The following SLC5A10 variants were observed in gnomAD, a reference collection of about 807,000 sequenced individuals.
SLC5A10 encodes the protein solute carrier family 5 member 10, also known as sodium/mannose cotransporter SLC5A10.
In SLC5A10, 55 loss-of-function variants were observed where a neutral mutation model predicts 68.9. The ratio of observed to expected loss-of-function variants is 0.80; its 90% confidence interval spans 0.64 to 1.00. SLC5A10 has a LOEUF of 1.00. SLC5A10 is among the 50% of genes least tolerant of loss of function. SLC5A10 has a pLI of 0.00. For missense variants in SLC5A10, 732 were observed against 819.3 expected (o/e 0.89, Z 1.30); for synonymous variants, 344 against 344.8 (o/e 1.00, Z 0.02).
At position 18,960,628 on chromosome 17, in the gene SLC5A10, ACTGT is replaced by A. The variant is rs767441512; in HGVS notation, c.436_439del (p.Val146SerfsTer46). On this transcript the variant is annotated frameshift_variant, in exon 5 of 15. Coordinates refer to ENST00000395645, the MANE Select transcript of SLC5A10 (RefSeq NM_001042450.4). LOFTEE classifies it high-confidence loss of function. Reference sequence around the variant, plus strand: ...TGTACCTGTCTGTCCTGTCCCTGCTACTGTCTGTCTTCACCAAGATATCGGTGAG... The same window carrying A: ...TGTACCTGTCTGTCCTGTCCCTGCTACTGTCTTCACCAAGATATCGGTGAG... The A allele has an allele frequency of 4.1e-5, 66 of 1,613,936 alleles. No individual in the cohort carries two copies. The Middle Eastern group carries it at 6.6e-4, about 16-fold the overall frequency.
chr17:18,954,514 G>C (rs572211830), intron 1 of SLC5A10, among the ~76,000 whole-genome samples: 2 of 152,356 alleles, frequency 1.3e-5, no homozygotes, highest in South Asian at 2.1e-4. Flanking sequence ...CAAGAGAGCA[G>C]TGAGCACATC....
Position 19,022,201 on chromosome 17 carries a change from C to T in SLC5A10, c.*1770C>T, listed in dbSNP as rs1292725331. The T allele has an allele frequency of 3.1e-6, 3 of 963,786 alleles. No individual in the cohort carries two copies. Among genetic ancestry groups the T allele is most frequent in the Non-Finnish European group, 4.4e-6 (3 of 681,020 alleles). The allele number at this position is 963,786 out of a possible 1,614,324, so 59.7% of individuals were successfully genotyped here. A position where few individuals can be genotyped will look rare whatever the true frequency, so the allele number is the denominator to read the frequency against. On this transcript the variant is annotated 3_prime_UTR_variant, in exon 15 of 15. Coordinates refer to ENST00000395645, the MANE Select transcript of SLC5A10 (RefSeq NM_001042450.4). ...CTTCAGAAGCCCTGCAACCCACCCT[C>T]CCTCAGAGGCACCCAAGAGAAGTGA...
At chr17:18,962,560 G>T (rs1228894926) in intron 5 of SLC5A10, among the ~76,000 whole-genome samples, 1 of 152,128 alleles carries the variant, frequency 6.6e-6, no homozygotes, top group Admixed American at 6.6e-5. Flanking sequence ...CAGTTTTCAG[G>T]GTCTGGCCTG....
At chr17:18,975,028 GA>G (rs2042944659) in intron 8 of SLC5A10, among the ~76,000 whole-genome samples, 1 of 152,200 alleles carries the variant, frequency 6.6e-6, no homozygotes, top group African/African-American at 2.4e-5. Flanking sequence ...TACTTGGGGT[GA>G]CAGCACCTGT....
rs751233868 is a variant in SLC5A10 at position 18,978,113 on chromosome 17, C to T, written c.982+1124C>T. On this transcript the variant is annotated intron_variant, in intron 9 of 14. Transcript: ENST00000395645. ...GACCCAGCCAATATCACTGCTGTCC[C>T]GGGCTAGTACATCTGCCACAGGGAC... The T allele has an allele frequency of 2.0e-6, 3 of 1,516,820 alleles. No individual in the cohort carries two copies. The highest frequency in any genetic ancestry group is 1.3e-5 in the South Asian group (1 of 75,766). The allele number at this position is 1,516,820 out of a possible 1,614,324, so 94.0% of individuals were successfully genotyped here.
rs1597805238 is a variant in SLC5A10, at chr17:18,952,550, C to T, written c.111+234C>T. On this transcript the variant is annotated intron_variant, in intron 1 of 14. Transcript: ENST00000395645. ...TGCAAAGTGAGGAGGAGGAAATTCT[C>T]TCTAACAGGTAACTGGGCTTTTGTG... is the stretch of plus-strand genomic sequence containing the variant. 6.3e-6 allele frequency: 3 copies of T among 479,448 alleles called. No homozygotes were observed. In the East Asian group the frequency reaches 1.2e-4, roughly 19 times the overall value. The allele number at this position is 479,448 out of a possible 1,614,324, so 29.7% of individuals were successfully genotyped here.
At chr17:18,970,583 AC>A in intron 7 of SLC5A10, 3 of 198,170 alleles carry the variant, frequency 1.5e-5, no homozygotes, top group South Asian at 9.6e-5. Context: ...TGCTAAAATC[AC>A]ACCCTTCAGG....
At chr17:18,978,099 T>C in intron 9 of SLC5A10, 1 of 1,516,072 alleles carries the variant, frequency 6.6e-7, no homozygotes, top group Non-Finnish European at 8.8e-7. Context: ...ACCCAGCCAA[T>C]ATCACTGCTG....
intron 5 of SLC5A10, 60 bp downstream of exon 5, chr17:18,960,712 C>T: frequency 1.4e-6 from 2 of 1,470,844 alleles, no homozygotes; most frequent in Non-Finnish European, 1.9e-6. Flanking sequence ...CTGTGGGCCC[C>T]TCAAGAGGAC....
At chr17:18,970,665 T>G in intron 7 of SLC5A10, 1 of 309,966 alleles carries the variant, frequency 3.2e-6, no homozygotes, top group Non-Finnish European at 6.1e-6. Flanking sequence ...TTTGCTTCCT[T>G]GAATCGACAA....
chr17:19,014,190 G>C (rs1010316656), intron 10 of SLC5A10, among the ~76,000 whole-genome samples: 3 of 152,160 alleles, frequency 2.0e-5, no homozygotes, highest in Non-Finnish European at 4.4e-5. Context: ...AGGTAAAGGA[G>C]GTGCTTAAAA....
intron 5 of SLC5A10, among the ~76,000 whole-genome samples, chr17:18,962,433 G>T (rs1184190882): frequency 2.0e-5 from 3 of 152,166 alleles, no homozygotes; most frequent in African/African-American, 7.2e-5. Flanking sequence ...ATAAAGAACA[G>T]CGTGGAGAGA....
At chr17:18,975,332 C>A (rs188799729) in intron 8 of SLC5A10, among the ~76,000 whole-genome samples, 6 of 152,312 alleles carry the variant, frequency 3.9e-5, no homozygotes, top group Non-Finnish European at 7.4e-5. Context: ...TCCGTGACAT[C>A]CACAGCTTAG....
rs1238347458 is a variant in SLC5A10, at chr17:18,971,364, G to A, written c.846+146G>A. 6.4e-7 allele frequency: 1 copy of A among 1,552,520 alleles called. No homozygotes were observed. The highest frequency in any genetic ancestry group is 1.9e-5 in the Admixed American group (1 of 53,388). On this transcript the variant is annotated intron_variant, in intron 8 of 14. Transcript: ENST00000395645. The surrounding 1 kb of genome is among the most constrained non-coding windows in gnomAD (Gnocchi z 5.5). ...CTCCAGGCTGGGACATGCTGCTAGGGGTCTTTGCGGTCCCGGGGGGCTTGA... is the reference window on the plus strand; with the variant it reads ...CTCCAGGCTGGGACATGCTGCTAGGAGTCTTTGCGGTCCCGGGGGGCTTGA...
intron 9 of SLC5A10, among the ~76,000 whole-genome samples, chr17:18,990,403 G>A (rs541615162): frequency 4.5e-4 from 69 of 152,190 alleles, no homozygotes; most frequent in Non-Finnish European, 9.1e-4. Flanking sequence ...TCCAGCCCCA[G>A]AATCTCCTTA....
At position 19,000,353 on chromosome 17, in the gene SLC5A10, C is replaced by T. The variant is rs1444337984; in HGVS notation, c.983-13057C>T. ...AAGGGGCCCCTAACAGTCTTCAATA[C>T]CTGTTCCCATTTTACAGATGGGATG... On this transcript the variant is annotated intron_variant, in intron 9 of 14. Coordinates refer to ENST00000395645, the MANE Select transcript of SLC5A10 (RefSeq NM_001042450.4). The surrounding 1 kb of genome is among the most constrained non-coding windows in gnomAD (Gnocchi z 5.2). 1.3e-5 allele frequency among the ~76,000 whole-genome samples: 2 copies of T among 152,184 alleles called. No homozygotes were observed. Among genetic ancestry groups the T allele is most frequent in the Non-Finnish European group, 2.9e-5 (2 of 68,028 alleles).
At position 19,004,181 on chromosome 17, in the gene SLC5A10, A is replaced by C; in HGVS notation, c.983-9229A>C. On this transcript the variant is annotated intron_variant, in intron 9 of 14. Transcript: ENST00000395645. The surrounding 1 kb of genome is among the most constrained non-coding windows in gnomAD (Gnocchi z 5.4). Reference sequence around the variant, plus strand: ...TGCCCATGAGCAATCTGCGGGAAAGACCTGATGAGCCCGGCTCGGCGGGGA... The same window carrying C: ...TGCCCATGAGCAATCTGCGGGAAAGCCCTGATGAGCCCGGCTCGGCGGGGA... 6.7e-6 allele frequency: 4 copies of C among 592,708 alleles called. No homozygotes were observed. The highest frequency in any genetic ancestry group is 7.4e-6 in the Non-Finnish European group (3 of 407,660). 36.7% of individuals were successfully genotyped at this position (592,708 alleles called of 1,614,324 possible). A position where few individuals can be genotyped will look rare whatever the true frequency, so the allele number is the denominator to read the frequency against.
intron 9 of SLC5A10, among the ~76,000 whole-genome samples, chr17:18,993,009 G>A (rs1349824717): frequency 5.9e-5 from 9 of 152,180 alleles, no homozygotes; most frequent in African/African-American, 2.2e-4. Flanking sequence ...AAGTGCCCTC[G>A]CAGGACGAGT....
rs181066022 is a variant in SLC5A10 at position 18,959,190 on chromosome 17, C to T, written c.239C>T (p.Ala80Val). ...GGCTCTGGCCTCTTCATTGGACTGGCGGGCTCAGGCGCGGCAGGAGGTCTG... is the reference window on the plus strand; with the variant it reads ...GGCTCTGGCCTCTTCATTGGACTGGTGGGCTCAGGCGCGGCAGGAGGTCTG... Reference protein sequence around the residue: ...SEGSGLFIGLAGSGAAGGLAV... With the variant: ...SEGSGLFIGLVGSGAAGGLAV... The change falls in exon 3 of 15, where the codon GCG becomes GTG. Residue 80 changes from alanine (A) to valine (V), a missense_variant. Transcript: ENST00000395645. 2.3e-5 allele frequency: 37 copies of T among 1,613,576 alleles called. No individual in the cohort carries two copies. The highest frequency in any genetic ancestry group is 1.3e-4 in the South Asian group (12 of 91,078).
Sources: allele counts gnomAD v4.1 joint callset (sites outside exome capture counted in the v4.1 genomes callset), GRCh38; gene constraint gnomAD v4.1.1; non-coding constraint Gnocchi (gnomAD v3.1); transcripts MANE v1.5; gene names NCBI Gene and HGNC (gene_info 2026-07-23, HGNC 2026-07-21).